Variants in KIF13B observed in about 807,000 individuals in gnomAD.
KIF13B encodes kinesin family member 13B, also known as kinesin-like protein KIF13B.
In KIF13B, 127 loss-of-function variants were observed where a neutral mutation model predicts 222.0. The ratio of observed to expected loss-of-function variants is 0.57; its 90% CI spans 0.50 to 0.66. The LOEUF is 0.66. Ranked by LOEUF, KIF13B falls within the 30% of genes least tolerant of loss-of-function variation. The pLI, the probability that KIF13B is intolerant of heterozygous loss-of-function variation, is 0.00. For synonymous variants in KIF13B, 976 were observed against 919.0 expected (o/e 1.06, Z -1.12); for missense variants, 2,173 against 2,379.0 (o/e 0.91, Z 1.80).
intron 37 of KIF13B, among the ~76,000 whole-genome samples, chr8:29,089,316 G>A (rs992541286): frequency 6.6e-6 from 1 of 152,150 alleles, no homozygotes; most frequent in Non-Finnish European, 1.5e-5. Flanking sequence ...GAGCGCACTT[G>A]TAGTCCTAGC....
chr8:29,207,403 A>G (rs1482303447), intron 2 of KIF13B, among the ~76,000 whole-genome samples: 1 of 152,120 alleles, frequency 6.6e-6, no homozygotes, highest in African/African-American at 2.4e-5. Flanking sequence ...TCAAAGCTAT[A>G]TTGCCCTCTC....
chr8:29,220,922 G>T (rs1402391448), intron 2 of KIF13B, among the ~76,000 whole-genome samples: 1 of 151,882 alleles, frequency 6.6e-6, no homozygotes, highest in Non-Finnish European at 1.5e-5. Context: ...ACCAGCCTGG[G>T]CAACACAGCA....
intron 2 of KIF13B, among the ~76,000 whole-genome samples, chr8:29,237,904 T>A (rs1274241979): frequency 6.6e-6 from 1 of 152,192 alleles, no homozygotes; most frequent in Non-Finnish European, 1.5e-5. Flanking sequence ...TGAGGAATCA[T>A]ATACAACTTC....
intron 37 of KIF13B, among the ~76,000 whole-genome samples, chr8:29,080,190 T>C (rs1476725861): frequency 6.6e-6 from 1 of 151,834 alleles, no homozygotes; most frequent in East Asian, 1.9e-4. Context: ...AAGATTAAAT[T>C]AGCTGGGCGT....
intron 1 of KIF13B, chr8:29,250,109 C>T (rs1048831964): frequency 8.4e-7 from 1 of 1,196,980 alleles, no homozygotes; most frequent in African/African-American, 1.6e-5. Context: ...AGCACATTAT[C>T]AACTCTCCGG....
intron 2 of KIF13B, among the ~76,000 whole-genome samples, chr8:29,231,995 C>T (rs568266708): frequency 6.6e-6 from 1 of 152,212 alleles, no homozygotes; most frequent in African/African-American, 2.4e-5. Context: ...GCTGGTCATG[C>T]CTACAATCTC....
chr8:29,224,104 T>C (rs1814900265), intron 2 of KIF13B, among the ~76,000 whole-genome samples: 1 of 143,120 alleles, frequency 7.0e-6, no homozygotes, highest in African/African-American at 2.6e-5. Flanking sequence ...GTTCACGCCA[T>C]TCTCCGCCTC....
chr8:29,209,198 C>T (rs1406189707), intron 2 of KIF13B, among the ~76,000 whole-genome samples: 1 of 152,106 alleles, frequency 6.6e-6, no homozygotes, highest in Non-Finnish European at 1.5e-5. Context: ...AGGAGGAAAA[C>T]CAGATGAGAG....
intron 37 of KIF13B, among the ~76,000 whole-genome samples, chr8:29,080,097 T>G (rs1009247091): frequency 6.6e-6 from 1 of 151,970 alleles, no homozygotes; most frequent in Non-Finnish European, 1.5e-5. Context: ...ATCCCACCAC[T>G]TTGGGAGGCT....
chr8:29,197,336 C>CAAAAAAAAAAAAAAAAAAAAAAAGAA (rs1813479972), intron 2 of KIF13B, among the ~76,000 whole-genome samples: 1 of 57,780 alleles, frequency 1.7e-5, no homozygotes, highest in Admixed American at 2.3e-4. Flanking sequence ...GACTCCGTCT[C>CAAAAAAAAAAAAAAAAAAAAAAAGAA]AAAAAAAAAA....
At chr8:29,198,041 G>C (rs1813519761) in intron 2 of KIF13B, among the ~76,000 whole-genome samples, 1 of 152,170 alleles carries the variant, frequency 6.6e-6, no homozygotes, top group Non-Finnish European at 1.5e-5. Context: ...TTTGTCTCCT[G>C]AGATTTTCTT....
intron 12 of KIF13B, among the ~76,000 whole-genome samples, chr8:29,161,714 A>G (rs1226925480): frequency 6.8e-6 from 1 of 147,730 alleles, no homozygotes; most frequent in Non-Finnish European, 1.5e-5. Flanking sequence ...CCCCCAAAAA[A>G]AAACAAAAAA....
intron 7 of KIF13B, among the ~76,000 whole-genome samples, chr8:29,181,394 C>T (rs561773283): frequency 6.6e-6 from 1 of 152,308 alleles, no homozygotes; most frequent in East Asian, 1.9e-4. Context: ...ACTTTTCAGA[C>T]ACTGAGAATA....
intron 1 of KIF13B, among the ~76,000 whole-genome samples, chr8:29,246,292 G>A (rs965802468): frequency 2.0e-5 from 3 of 151,856 alleles, no homozygotes; most frequent in Admixed American, 2.0e-4. Flanking sequence ...CAGGAGAATC[G>A]CTTGAACCCA....
chr8:29,250,930 T>TATAG (rs1450640658), intron 1 of KIF13B, among the ~76,000 whole-genome samples: 3 of 152,198 alleles, frequency 2.0e-5, no homozygotes, highest in Admixed American at 2.0e-4. Context: ...TCTTGCTGTA[T>TATAG]ATAGCACTTA....
chr8:29,132,199 T>A, intron 23 of KIF13B, 109 bp downstream of exon 23: 1 of 757,426 alleles, frequency 1.3e-6, no homozygotes, highest in Non-Finnish European at 1.9e-6. Flanking sequence ...TGAGCCAAGA[T>A]CGTGCCACTG....
chr8:29,236,463 C>T (rs1013487256), intron 2 of KIF13B, among the ~76,000 whole-genome samples: 12 of 152,094 alleles, frequency 7.9e-5, no homozygotes, highest in Non-Finnish European at 1.8e-4. Context: ...TTAAATTCTC[C>T]ATAACAAAAG....
chr8:29,208,539 A>T (rs548064845), intron 2 of KIF13B, among the ~76,000 whole-genome samples: 1 of 152,308 alleles, frequency 6.6e-6, no homozygotes, highest in South Asian at 2.1e-4. Context: ...CAGAGTCTAT[A>T]ACCCAAAAAA....
At chr8:29,133,895 G>C (rs947237107) in intron 22 of KIF13B, 145 bp downstream of exon 22, 2 of 737,898 alleles carry the variant, frequency 2.7e-6, no homozygotes, top group African/African-American at 1.8e-5. Flanking sequence ...TAGATGCATT[G>C]ACACTTTTTA....
Sources: gnomAD v4.1 joint callset for allele counts (sites outside exome capture counted in the v4.1 genomes callset) on GRCh38, gnomAD v4.1.1 for gene constraint, MANE v1.5 for transcripts, NCBI Gene and HGNC (gene_info 2026-07-23, HGNC 2026-07-21) for gene names.